CELF2: variants seen among roughly 807,000 people sequenced by gnomAD.
CELF2 encodes the protein CUGBP Elav-like family member 2, also known as CUG triplet repeat RNA-binding protein 2.
A neutral mutation model predicts 62.6 loss-of-function variants in CELF2; 8 were observed. The ratio of observed to expected loss-of-function variants is 0.13; its 90% CI spans 0.07 to 0.23. The LOEUF is 0.23. CELF2 is among the 10% of genes least tolerant of loss of function. CELF2 has a pLI of 1.00. For missense variants in CELF2, 333 were observed against 671.0 expected (o/e 0.50, Z 5.56); for synonymous variants, 258 against 250.0 (o/e 1.03, Z -0.30).
intron 1 of CELF2, among the ~76,000 whole-genome samples, chr10:11,150,435 T>C (rs535218017): frequency 6.6e-6 from 1 of 152,354 alleles, no homozygotes; most frequent in East Asian, 1.9e-4. Context: ...AATGACTTCA[T>C]TGATTTGGGA....
At chr10:10,516,833 A>T in the CELF2 span, among the ~76,000 whole-genome samples, 1 of 151,534 alleles carries the variant, frequency 6.6e-6, no homozygotes, top group Non-Finnish European at 1.5e-5. Context: ...AGTCCCTTTC[A>T]GTTCTTCTGG....
chr10:10,599,809 GC>G, the CELF2 span, among the ~76,000 whole-genome samples: 1 of 146,544 alleles, frequency 6.8e-6, no homozygotes, highest in Non-Finnish European at 1.5e-5. Flanking sequence ...TCGGCTCACT[GC>G]AAGCTCCACC....
chr10:10,582,210 C>T, the CELF2 span, among the ~76,000 whole-genome samples: 1 of 152,158 alleles, frequency 6.6e-6, no homozygotes, highest in East Asian at 1.9e-4. Flanking sequence ...CTTGTGAATC[C>T]CTGCTCAGGG....
intron 7 of CELF2, among the ~76,000 whole-genome samples, chr10:11,273,041 T>C (rs916771939): frequency 3.9e-5 from 6 of 152,166 alleles, no homozygotes; most frequent in South Asian, 2.1e-4. Flanking sequence ...TCCCACCCCC[T>C]CTTCCCCGCT....
chr10:10,769,096 T>G, the CELF2 span, among the ~76,000 whole-genome samples: 1 of 152,210 alleles, frequency 6.6e-6, no homozygotes, highest in Non-Finnish European at 1.5e-5. Flanking sequence ...CCCCAAGATA[T>G]CCTTCAGCTT....
chr10:11,007,428 C>T (rs1172553979), intron 1 of CELF2, among the ~76,000 whole-genome samples: 2 of 151,786 alleles, frequency 1.3e-5, no homozygotes, highest in African/African-American at 2.4e-5. Context: ...TAAATGTTAC[C>T]GGATAAATAG....
intron 2 of CELF2, among the ~76,000 whole-genome samples, chr10:10,980,041 A>G (rs1237304524): frequency 2.0e-5 from 3 of 152,268 alleles, no homozygotes; most frequent in African/African-American, 7.2e-5. Flanking sequence ...GTCAGCACAC[A>G]TAATTCAATT....
intron 1 of CELF2, among the ~76,000 whole-genome samples, chr10:10,844,861 C>T (rs1453087688): frequency 6.6e-6 from 1 of 152,092 alleles, no homozygotes; most frequent in Non-Finnish European, 1.5e-5. Context: ...AGAATGTCTG[C>T]TGTTTATTGC....
At chr10:10,772,890 A>T in the CELF2 span, among the ~76,000 whole-genome samples, 1 of 152,242 alleles carries the variant, frequency 6.6e-6, no homozygotes, top group East Asian at 1.9e-4. Context: ...AGAGAATACC[A>T]TGGGAGTCAT....
the CELF2 span, among the ~76,000 whole-genome samples, chr10:10,664,152 C>G: frequency 6.6e-6 from 1 of 152,154 alleles, no homozygotes; most frequent in African/African-American, 2.4e-5. Flanking sequence ...TGGCACATCA[C>G]AAGCTGAAGC....
the CELF2 span, among the ~76,000 whole-genome samples, chr10:10,720,693 G>A: frequency 6.6e-6 from 1 of 152,204 alleles, no homozygotes; most frequent in Non-Finnish European, 1.5e-5. Flanking sequence ...ATTTAGGTCT[G>A]CCTATTTAAA....
At chr10:11,070,647 A>AG (rs1374345828) in intron 1 of CELF2, among the ~76,000 whole-genome samples, 4 of 152,118 alleles carry the variant, frequency 2.6e-5, no homozygotes, top group Non-Finnish European at 5.9e-5. Context: ...GTATAAAGTG[A>AG]GAACATCTAA....
intron 1 of CELF2, among the ~76,000 whole-genome samples, chr10:11,048,701 A>G (rs1365010130): frequency 1.3e-5 from 2 of 152,222 alleles, no homozygotes; most frequent in African/African-American, 2.4e-5. Flanking sequence ...TTGAGGGGCA[A>G]TCCAAACTTA....
the CELF2 span, among the ~76,000 whole-genome samples, chr10:10,725,940 C>A: frequency 6.6e-6 from 1 of 151,598 alleles, no homozygotes; most frequent in African/African-American, 2.4e-5. Context: ...GAATTTCCAG[C>A]AATGATTATT....
intron 1 of CELF2, among the ~76,000 whole-genome samples, chr10:11,122,998 GT>G (rs2058052753): frequency 6.6e-6 from 1 of 152,156 alleles, no homozygotes; most frequent in Non-Finnish European, 1.5e-5. Context: ...ACGGTTTATA[GT>G]TTGGAATATA....
the CELF2 span, among the ~76,000 whole-genome samples, chr10:10,765,236 T>G: frequency 6.6e-6 from 1 of 152,232 alleles, no homozygotes; most frequent in African/African-American, 2.4e-5. Context: ...GCTTCTGAAT[T>G]GCACAAGGGT....
chr10:10,918,386 A>C (rs1174018154), intron 1 of CELF2, among the ~76,000 whole-genome samples: 2 of 152,258 alleles, frequency 1.3e-5, no homozygotes, highest in Non-Finnish European at 2.9e-5. Flanking sequence ...GAAGGAATGG[A>C]AACTTTCTCC....
chr10:10,733,436 G>GA, the CELF2 span, among the ~76,000 whole-genome samples: 4 of 148,752 alleles, frequency 2.7e-5, no homozygotes, highest in South Asian at 2.1e-4. Context: ...AGGAGGTAGT[G>GA]AAAAAAAAAA....
Position 11,145,490 on chromosome 10 carries a change from G to A in CELF2, c.75-19996G>A, listed in dbSNP as rs569266488. ...ATATAAGAATCAGGTAAAATTGTCCGCACAGAACCAGTTGGTGGGGTGGAG... is the reference window on the plus strand; with the variant it reads ...ATATAAGAATCAGGTAAAATTGTCCACACAGAACCAGTTGGTGGGGTGGAG... On this transcript the variant is annotated intron_variant, in intron 1 of 12. Coordinates refer to ENST00000633077, the MANE Select transcript of CELF2 (RefSeq NM_001326342.2). This position sits in a 1 kb window ranked among gnomAD's most constrained non-coding sequence, Gnocchi z 4.3. Among the ~76,000 whole-genome samples, 366 of 152,322 alleles carry A rather than the reference G, an allele frequency of 2.4e-3. No individual in the cohort carries two copies. Among genetic ancestry groups the A allele is most frequent in the Non-Finnish European group, 3.0e-3 (204 of 68,022 alleles).
Sources: allele counts gnomAD v4.1 joint callset (sites outside exome capture counted in the v4.1 genomes callset), GRCh38; gene constraint gnomAD v4.1.1; non-coding constraint Gnocchi (gnomAD v3.1); transcripts MANE v1.5; gene names NCBI Gene and HGNC (gene_info 2026-07-23, HGNC 2026-07-21).